The following SLC12A1 variants were observed in gnomAD, a reference collection of about 807,000 sequenced individuals.
The protein encoded by SLC12A1 is solute carrier family 12 member 1.
Under a neutral mutation model 130.4 loss-of-function variants are expected in SLC12A1, and 89 were observed. That is an observed-to-expected ratio of 0.68 (90% CI 0.58 to 0.81). The LOEUF (loss-of-function observed/expected upper bound fraction) is 0.81. Among genes scored for constraint, SLC12A1 ranks in the 40% least tolerant of loss-of-function variants. The pLI is 0.00. For missense variants in SLC12A1, 1,310 were observed against 1,336.4 expected (o/e 0.98, Z 0.31); for synonymous variants, 499 against 460.0 (o/e 1.08, Z -1.09).
chr15:48,281,597 C>T (rs2042008767), intron 20 of SLC12A1, among the ~76,000 whole-genome samples: 2 of 152,156 alleles, frequency 1.3e-5, no homozygotes, highest in African/African-American at 4.8e-5. Flanking sequence ...AGACTTGGGT[C>T]ACTAGCTGTG....
chr15:48,267,762 A>G lies in SLC12A1; in HGVS notation c.2295+61A>G, dbSNP rs993340721. 11 of 1,565,384 alleles carry G rather than the reference A, an allele frequency of 7.0e-6. No individual in the cohort carries two copies. In the African/African-American group the frequency reaches 1.5e-4, roughly 21 times the overall value. On this transcript the variant is annotated intron_variant, in intron 18 of 26. Coordinates refer to ENST00000380993, the MANE Select transcript of SLC12A1 (RefSeq NM_000338.3). Reference sequence around the variant, plus strand: ...AAGACAATTAGTGCTCCATGTTAATAAGGCTCCCAAAGTGAACAGCTGTAG... The same window carrying G: ...AAGACAATTAGTGCTCCATGTTAATGAGGCTCCCAAAGTGAACAGCTGTAG...
chr15:48,232,521 A>G (rs2041393350), intron 7 of SLC12A1, among the ~76,000 whole-genome samples: 2 of 152,226 alleles, frequency 1.3e-5, no homozygotes, highest in Non-Finnish European at 2.9e-5. Context: ...GTGTGCCATT[A>G]AAAATGTGGC....
intron 19 of SLC12A1, among the ~76,000 whole-genome samples, chr15:48,273,694 C>T (rs138731661): frequency 2.6e-5 from 4 of 152,248 alleles, no homozygotes; most frequent in African/African-American, 9.6e-5. Flanking sequence ...AGTGGATATT[C>T]ATATTGCACC....
chr15:48,214,361 T>C (rs939514023), intron 2 of SLC12A1, among the ~76,000 whole-genome samples: 4 of 152,242 alleles, frequency 2.6e-5, no homozygotes, highest in Non-Finnish European at 1.5e-5. Flanking sequence ...AAACTTATAC[T>C]TGGAAAATAT....
chr15:48,292,418 TAAAAA>T (rs557641915), intron 24 of SLC12A1, among the ~76,000 whole-genome samples: 3 of 147,108 alleles, frequency 2.0e-5, no homozygotes, highest in Admixed American at 6.8e-5. Flanking sequence ...GGCTCCAAAA[TAAAAA>T]AAAAAGAAAA....
chr15:48,207,299 A>G (rs971885602), intron 1 of SLC12A1, among the ~76,000 whole-genome samples: 24 of 152,186 alleles, frequency 1.6e-4, no homozygotes, highest in Admixed American at 1.3e-3. Flanking sequence ...AATACTACAA[A>G]CACAGGTAAC....
intron 16 of SLC12A1, among the ~76,000 whole-genome samples, chr15:48,256,541 C>A (rs2041708918): frequency 6.6e-6 from 1 of 152,144 alleles, no homozygotes; most frequent in South Asian, 2.1e-4. Flanking sequence ...TTCCACATTG[C>A]TGAGGAGGCC....
intron 17 of SLC12A1, among the ~76,000 whole-genome samples, chr15:48,263,365 T>A (rs1324158637): frequency 6.6e-6 from 1 of 152,164 alleles, no homozygotes; most frequent in Middle Eastern, 3.2e-3. Flanking sequence ...AGGTTTACAG[T>A]GGCATCTTTT....
At chr15:48,229,038 A>C in intron 5 of SLC12A1, 151 bp from the exon 6 acceptor site, 1 of 767,518 alleles carries the variant, frequency 1.3e-6, no homozygotes, top group Non-Finnish European at 2.0e-6. Context: ...TAAGTTATTC[A>C]CTGGGTAACA....
At chr15:48,299,088 A>G (rs1490189515) in intron 24 of SLC12A1, 52 bp from the exon 25 acceptor site, 18 of 1,526,314 alleles carry the variant, frequency 1.2e-5, no homozygotes, top group Non-Finnish European at 1.6e-5. Flanking sequence ...GTATCTGTGA[A>G]ATAATGAGTT....
intron 11 of SLC12A1, among the ~76,000 whole-genome samples, chr15:48,246,700 G>C (rs984312096): frequency 3.9e-5 from 6 of 152,166 alleles, no homozygotes; most frequent in African/African-American, 1.4e-4. Flanking sequence ...AGAATCGCTT[G>C]AACCGGGAGG....
intron 20 of SLC12A1, among the ~76,000 whole-genome samples, chr15:48,281,838 T>C (rs891372801): frequency 1.3e-5 from 2 of 152,200 alleles, no homozygotes; most frequent in African/African-American, 4.8e-5. Context: ...CATTCGTTCA[T>C]ACTCTCTTGG....
At chr15:48,302,088 T>G (rs147317181) in intron 26 of SLC12A1, among the ~76,000 whole-genome samples, 1 of 152,224 alleles carries the variant, frequency 6.6e-6, no homozygotes, top group African/African-American at 2.4e-5. Flanking sequence ...GTTTCTGAGG[T>G]TTTTCCCAAA....
At chr15:48,268,991 A>C (rs1405263720) in intron 18 of SLC12A1, among the ~76,000 whole-genome samples, 1 of 152,182 alleles carries the variant, frequency 6.6e-6, no homozygotes, top group Non-Finnish European at 1.5e-5. Flanking sequence ...CTTCACATAA[A>C]AAGTGAAGTA....
intron 19 of SLC12A1, among the ~76,000 whole-genome samples, chr15:48,269,980 G>A (rs546590390): frequency 2.6e-5 from 4 of 152,232 alleles, no homozygotes; most frequent in South Asian, 2.1e-4. Context: ...TGAGAGAAAC[G>A]CCCGTGTCAG....
At chr15:48,264,930 C>T (rs1047712293) in intron 17 of SLC12A1, among the ~76,000 whole-genome samples, 1 of 152,110 alleles carries the variant, frequency 6.6e-6, no homozygotes, top group Non-Finnish European at 1.5e-5. Flanking sequence ...ATAATATATA[C>T]AAGATTTTTA....
rs7163846 is a variant in SLC12A1, at chr15:48,303,043, C to T, written c.*158C>T. On this transcript the variant is annotated 3_prime_UTR_variant, in exon 27 of 27. Coordinates refer to ENST00000380993, the MANE Select transcript of SLC12A1 (RefSeq NM_000338.3). The stretch of plus-strand genomic sequence containing the variant: ...ATTGCATAATTTTTATCAGTTAATG[C>T]GAGCTTTTTTTTCTCTTCTCAGCTT... The T allele has an allele frequency of 5.0e-3, 2,675 of 533,340 alleles. 55 individuals carry two copies. The highest frequency in any genetic ancestry group is 0.047 in the African/African-American group (2,412 of 51,412). The allele number at this position is 533,340 out of a possible 1,614,324, so 33.0% of individuals were successfully genotyped here.
Position 48,251,695 on chromosome 15 carries a change from A to G in SLC12A1, c.1867A>G (p.Ile623Val). ...AVLCCAVMFVINWWAAVITYV... is the reference protein window; with the variant it reads ...AVLCCAVMFVVNWWAAVITYV... Reference sequence around the variant, plus strand: ...TTTGTGCTGTGCAGTCATGTTTGTCATCAACTGGTGGGCAGCTGTCATCAC... The same window carrying G: ...TTTGTGCTGTGCAGTCATGTTTGTCGTCAACTGGTGGGCAGCTGTCATCAC... Residue 623 changes from isoleucine (I) to valine (V), a missense_variant, in exon 15 of 27, where the codon ATC becomes GTC. Ile to Val is a conservative substitution (Grantham distance 29). Coordinates refer to ENST00000380993, the MANE Select transcript of SLC12A1 (RefSeq NM_000338.3). 6.2e-7 allele frequency: 1 copy of G among 1,613,738 alleles called. No homozygotes were observed. Among genetic ancestry groups the G allele is most frequent in the Non-Finnish European group, 8.5e-7 (1 of 1,179,666 alleles).
intron 2 of SLC12A1, among the ~76,000 whole-genome samples, chr15:48,213,467 G>A (rs1379041202): frequency 6.6e-6 from 1 of 151,154 alleles, no homozygotes; most frequent in Admixed American, 6.6e-5. Context: ...TCTGTGTAAA[G>A]TGAGTTAAAG....
Sources: gnomAD v4.1 joint callset for allele counts (sites outside exome capture counted in the v4.1 genomes callset) on GRCh38, gnomAD v4.1.1 for gene constraint, MANE v1.5 for transcripts, NCBI Gene and HGNC (gene_info 2026-07-23, HGNC 2026-07-21) for gene names.